Variants in CUX2 observed in about 807,000 individuals in gnomAD.
The protein encoded by CUX2 is homeobox protein cut-like 2.
Under a neutral mutation model 144.8 loss-of-function variants are expected in CUX2, and 40 were observed. The ratio of observed to expected loss-of-function variants is 0.28; its 90% CI spans 0.21 to 0.36. The LOEUF (loss-of-function observed/expected upper bound fraction) is 0.36. Among genes scored for constraint, CUX2 ranks in the 10% least tolerant of loss-of-function variants. The pLI, the probability that CUX2 is intolerant of heterozygous loss-of-function variation, is 1.00. For synonymous variants in CUX2, 827 were observed against 875.6 expected (o/e 0.94, Z 0.98); for missense variants, 1,615 against 1,994.0 (o/e 0.81, Z 3.62).
chr12:111,251,812 C>T (rs1422997064), intron 3 of CUX2, among the ~76,000 whole-genome samples: 2 of 152,000 alleles, frequency 1.3e-5, no homozygotes, highest in South Asian at 2.1e-4. Context: ...AAAATCCCAG[C>T]GGTGGTCCAG....
rs539382278 is a variant in CUX2 at position 111,077,306 on chromosome 12, G to T, written c.63+43066G>T. On this transcript the variant is annotated intron_variant, in intron 1 of 21. Transcript: ENST00000261726. This position sits in a 1 kb window ranked among gnomAD's most constrained non-coding sequence, Gnocchi z 4.1. The stretch of plus-strand genomic sequence containing the variant: ...AACGCGCAGCCGTGTGGCAGGGCCC[G>T]GGAAGACGTGGGTAATGTATTCACA... Among the ~76,000 whole-genome samples the T allele has an allele frequency of 2.2e-4, 34 of 152,228 alleles. No individual in the cohort carries two copies. Among genetic ancestry groups the T allele is most frequent in the African/African-American group, 8.2e-4 (34 of 41,548 alleles).
chr12:111,323,595 C>T (rs1887636598), intron 18 of CUX2, among the ~76,000 whole-genome samples: 1 of 151,450 alleles, frequency 6.6e-6, no homozygotes, highest in Non-Finnish European at 1.5e-5. Context: ...AGTTCAAGAT[C>T]AGCCTGGGCA....
intron 20 of CUX2, among the ~76,000 whole-genome samples, chr12:111,340,858 C>T (rs555550860): frequency 1.0e-3 from 156 of 152,250 alleles, no homozygotes; most frequent in Non-Finnish European, 1.6e-3. Flanking sequence ...TCTCCTCTGC[C>T]TTTACCTCTT....
rs528556018 is a variant in CUX2, at chr12:111,185,063, C to CA, written c.64-29128dup. On this transcript the variant is annotated intron_variant, in intron 1 of 21. Transcript: ENST00000261726. ...TGGGCTACAGAGTGAGACTCTGTCT[C>CA]AAAAAAAAAGGCACATTGCATAACA... Among the ~76,000 whole-genome samples the CA allele has an allele frequency of 5.2e-3, 778 of 149,824 alleles. 3 individuals carry two copies. Among genetic ancestry groups the CA allele is most frequent in the African/African-American group, 0.016 (668 of 40,846 alleles).
Position 111,310,705 on chromosome 12 carries a change from C to G in CUX2, c.1900+23C>G. 1 of 1,559,190 alleles carries G rather than the reference C, an allele frequency of 6.4e-7. No homozygotes were observed. The highest frequency in any genetic ancestry group is 8.7e-7 in the Non-Finnish European group (1 of 1,147,732). On this transcript the variant is annotated intron_variant, in intron 15 of 21. Coordinates refer to ENST00000261726, the MANE Select transcript of CUX2 (RefSeq NM_015267.4). This position sits in a 1 kb window ranked among gnomAD's most constrained non-coding sequence, Gnocchi z 7.9. Reference sequence around the variant, plus strand: ...GAGGTGAGTGCCCAAGAGGGCCCGTCCCCGCTGGCCACCACGCCAGGTCCA... The same window carrying G: ...GAGGTGAGTGCCCAAGAGGGCCCGTGCCCGCTGGCCACCACGCCAGGTCCA...
intron 1 of CUX2, among the ~76,000 whole-genome samples, chr12:111,183,526 G>T (rs992177172): frequency 1.3e-5 from 2 of 152,250 alleles, no homozygotes; most frequent in Admixed American, 6.5e-5. Flanking sequence ...GAGCCAGATT[G>T]CTTCGAGCCA....
intron 4 of CUX2, among the ~76,000 whole-genome samples, chr12:111,280,339 C>T (rs1348798313): frequency 2.6e-5 from 4 of 152,080 alleles, no homozygotes; most frequent in South Asian, 4.1e-4. Context: ...CACATGACAA[C>T]GAAGGCTGAG....
At chr12:111,258,655 C>T (rs149641161) in intron 3 of CUX2, among the ~76,000 whole-genome samples, 118 of 152,142 alleles carry the variant, frequency 7.8e-4, no homozygotes, top group Middle Eastern at 3.4e-3. Flanking sequence ...AAGCCCTAAA[C>T]ATGAACTGAT....
At chr12:111,306,687 TG>T (rs1424598381) in intron 10 of CUX2, among the ~76,000 whole-genome samples, 2 of 152,252 alleles carry the variant, frequency 1.3e-5, no homozygotes, top group East Asian at 3.8e-4. Flanking sequence ...TCCTTCCTTT[TG>T]TCATGGCTAT....
At chr12:111,223,540 C>A (rs994211699) in intron 3 of CUX2, among the ~76,000 whole-genome samples, 1 of 152,194 alleles carries the variant, frequency 6.6e-6, no homozygotes, top group African/African-American at 2.4e-5. Flanking sequence ...TCCAGCATAG[C>A]CTTTAGCCTA....
chr12:111,266,987 G>A (rs1009610568), intron 4 of CUX2, among the ~76,000 whole-genome samples: 1 of 152,144 alleles, frequency 6.6e-6, no homozygotes, highest in Non-Finnish European at 1.5e-5. Context: ...CTTGAAGCCA[G>A]GAGTTTGAGA....
intron 3 of CUX2, among the ~76,000 whole-genome samples, chr12:111,262,030 GA>G (rs1444194157): frequency 3.3e-5 from 5 of 152,192 alleles, no homozygotes; most frequent in Non-Finnish European, 5.9e-5. Flanking sequence ...TTCTCAGGGA[GA>G]TAATTCCTGA....
chr12:111,182,986 C>T (rs2136183512), intron 1 of CUX2, among the ~76,000 whole-genome samples: 1 of 152,336 alleles, frequency 6.6e-6, no homozygotes, highest in South Asian at 2.1e-4. Context: ...ATGCACCTTC[C>T]TCCTTCAATC....
intron 16 of CUX2, among the ~76,000 whole-genome samples, chr12:111,317,604 A>C (rs1410344700): frequency 2.0e-5 from 3 of 152,048 alleles, no homozygotes; most frequent in Non-Finnish European, 4.4e-5. Flanking sequence ...TCATCCTAAA[A>C]TTTTGTCCTG....
intron 18 of CUX2, among the ~76,000 whole-genome samples, chr12:111,332,675 C>G (rs1460169103): frequency 6.6e-6 from 1 of 152,194 alleles, no homozygotes; most frequent in Admixed American, 6.5e-5. Flanking sequence ...ACAGCAAACT[C>G]CCTGCACTGT....
chr12:111,095,210 G>T (rs1423742374), intron 1 of CUX2, among the ~76,000 whole-genome samples: 1 of 152,210 alleles, frequency 6.6e-6, no homozygotes, highest in East Asian at 1.9e-4. Flanking sequence ...TGTAATCCTA[G>T]AACTTTGGGA....
At chr12:111,261,716 C>A (rs1473762480) in intron 3 of CUX2, among the ~76,000 whole-genome samples, 1 of 152,080 alleles carries the variant, frequency 6.6e-6, no homozygotes, top group Non-Finnish European at 1.5e-5. Context: ...GCCTGGCCAA[C>A]ATGGCGAAAC....
intron 1 of CUX2, among the ~76,000 whole-genome samples, chr12:111,119,823 C>T (rs1034928673): frequency 8.5e-5 from 13 of 152,162 alleles, no homozygotes; most frequent in Admixed American, 8.5e-4. Context: ...TTTGGGGGGC[C>T]AAGGCGGGAG....
intron 3 of CUX2, among the ~76,000 whole-genome samples, chr12:111,250,363 C>T (rs1048910103): frequency 6.6e-6 from 1 of 152,096 alleles, no homozygotes; most frequent in African/African-American, 2.4e-5. Flanking sequence ...CTGCCTTGGC[C>T]CCTCGTGTGT....
Sources: allele counts gnomAD v4.1 joint callset (sites outside exome capture counted in the v4.1 genomes callset), GRCh38; gene constraint gnomAD v4.1.1; non-coding constraint Gnocchi (gnomAD v3.1); transcripts MANE v1.5; gene names NCBI Gene and HGNC (gene_info 2026-07-23, HGNC 2026-07-21).